The following IL17RA variants were observed in gnomAD, a reference collection of about 807,000 sequenced individuals.
IL17RA encodes interleukin-17 receptor A.
IL17RA carries 34 observed loss-of-function variants against 50.4 expected under a neutral mutation model. The observed-to-expected ratio is 0.67, with a 90% CI of 0.51 to 0.90. IL17RA has a LOEUF of 0.90. Among genes scored for constraint, IL17RA ranks in the 40% least tolerant of loss-of-function variants. The pLI is 0.00. For missense variants in IL17RA, 1,276 were observed against 1,169.8 expected (o/e 1.09, Z -1.32); for synonymous variants, 585 against 510.4 (o/e 1.15, Z -1.97).
At chr22:17,085,307 G>C (rs946462588) in intron 1 of IL17RA, 78 bp downstream of exon 1, 2 of 1,521,184 alleles carry the variant, frequency 1.3e-6, no homozygotes, top group Non-Finnish European at 1.8e-6. Flanking sequence ...CGGACGGTCG[G>C]GACTACGCGC....
At chr22:17,090,360 CAAAT>C (rs1335216259) in intron 1 of IL17RA, among the ~76,000 whole-genome samples, 1 of 152,192 alleles carries the variant, frequency 6.6e-6, no homozygotes, top group Non-Finnish European at 1.5e-5. Flanking sequence ...TTCCACTAAA[CAAAT>C]TAATGTTTTC....
chr22:17,109,378 C>T lies in IL17RA; in HGVS notation c.2159C>T (p.Pro720Leu), dbSNP rs928752107. The T allele has an allele frequency of 1.2e-6, 2 of 1,611,666 alleles. No individual in the cohort carries two copies. The highest frequency in any genetic ancestry group is 8.5e-7 in the Non-Finnish European group (1 of 1,179,766). The change falls in exon 13 of 13, where the codon CCC (proline) becomes CTC (leucine). Residue 720 changes from proline (P) to leucine (L), a missense_variant. By Grantham distance (98) the Pro-to-Leu change is moderately conservative. Transcript: ENST00000319363. ...GGGCGAAATAGCGTCCTCTTCCTCC[C>T]CGTGGACCCCGAGGACTCGCCCCTT... ...GAGRNSVLFL[P>L]VDPEDSPLGS... is the part of the protein sequence containing the mutation.
intron 1 of IL17RA, among the ~76,000 whole-genome samples, chr22:17,090,014 G>A (rs2061342513): frequency 6.6e-6 from 1 of 150,966 alleles, no homozygotes. Context: ...AAAATGTTAT[G>A]TAATTCTATA....
chr22:17,104,850 C>G (rs779171527), intron 9 of IL17RA, 40 bp downstream of exon 9: 2 of 1,596,638 alleles, frequency 1.3e-6, no homozygotes, highest in Non-Finnish European at 8.6e-7. Context: ...ACTGGGAGAA[C>G]AAGTGGCTGA....
intron 9 of IL17RA, 86 bp from the exon 10 acceptor site, chr22:17,105,505 C>A: frequency 7.5e-7 from 1 of 1,332,390 alleles, no homozygotes; most frequent in Non-Finnish European, 1.1e-6. Context: ...TCATTAAAGC[C>A]CTCAAGGGAC....
At chr22:17,097,269 A>G in intron 2 of IL17RA, 183 bp downstream of exon 2, 2 of 669,638 alleles carry the variant, frequency 3.0e-6, no homozygotes, top group Non-Finnish European at 5.5e-6. Flanking sequence ...GAGAACATTC[A>G]TTATGCAAAA....
rs1188655272 is a variant in IL17RA at position 17,103,584 on chromosome 22, G to A, written c.846+7G>A. On this transcript the variant is annotated splice_region_variant and intron_variant, in intron 8 of 12. Coordinates refer to ENST00000319363, the MANE Select transcript of IL17RA (RefSeq NM_014339.7). The stretch of plus-strand genomic sequence containing the variant: ...CTGTCGCCACCAAGTGCAGGTGGGT[G>A]AGTGTGGTGTGGACAGGTGCAGGGA... The A allele has an allele frequency of 6.2e-7, 1 of 1,609,194 alleles. No individual in the cohort carries two copies. The highest frequency in any genetic ancestry group is 8.5e-7 in the Non-Finnish European group (1 of 1,177,730).
rs1479941034 is a variant in IL17RA, at chr22:17,109,557, A to G, written c.2338A>G (p.Thr780Ala). 1 of 1,599,404 alleles carries G rather than the reference A, an allele frequency of 6.3e-7. No individual in the cohort carries two copies. Among genetic ancestry groups the G allele is most frequent in the East Asian group, 2.3e-5 (1 of 44,290 alleles). Reference sequence around the variant, plus strand: ...CGCCATGGTCCTCACAGACCCACACACGCCCTACGAGGAGGAGCAGCGGCA... The same window carrying G: ...CGCCATGGTCCTCACAGACCCACACGCGCCCTACGAGGAGGAGCAGCGGCA... ...RPAMVLTDPH[T>A]PYEEEQRQSV... Residue 780 changes from threonine to alanine, a missense_variant, in exon 13 of 13, where the codon ACG becomes GCG. Coordinates refer to ENST00000319363, the MANE Select transcript of IL17RA (RefSeq NM_014339.7).
In IL17RA at chr22:17,097,919, A is replaced by G; in HGVS notation, c.286A>G (p.Ile96Val). Residue 96 changes from isoleucine to valine, a missense_variant, in exon 3 of 13, where the codon ATC becomes GTC. By Grantham distance (29) the Ile-to-Val change is conservative. Coordinates refer to ENST00000319363, the MANE Select transcript of IL17RA (RefSeq NM_014339.7). ...AGGAGACCTGTTCCCCGTGGCTCAC[A>G]TCGAATGGACACTGCAGACAGACGG... ...QQGDLFPVAH[I>V]EWTLQTDASI... is the part of the protein sequence containing the mutation. 6.2e-7 allele frequency: 1 copy of G among 1,614,100 alleles called. No homozygotes were observed. The highest frequency in any genetic ancestry group is 8.5e-7 in the Non-Finnish European group (1 of 1,180,036).
intron 1 of IL17RA, among the ~76,000 whole-genome samples, chr22:17,087,433 C>T (rs1277310863): frequency 6.6e-6 from 1 of 152,260 alleles, no homozygotes; most frequent in Non-Finnish European, 1.5e-5. Flanking sequence ...CCTTCCATAA[C>T]TATCCTCAGA....
In IL17RA at chr22:17,100,413, T is replaced by C. The variant is rs376923038; in HGVS notation, c.482T>C (p.Val161Ala). The C allele has an allele frequency of 8.2e-5, 132 of 1,613,964 alleles. No homozygotes were observed. Among genetic ancestry groups the C allele is most frequent in the Non-Finnish European group, 1.1e-4 (127 of 1,179,988 alleles). The change falls in exon 5 of 13, where the codon GTT becomes GCT. Residue 161 changes from valine to alanine, a missense_variant. By Grantham distance (64) the Val-to-Ala change is moderately conservative. Transcript: ENST00000319363. Reference protein sequence around the residue: ...VDPDQEYEVTVHHLPKPIPDG... With the variant: ...VDPDQEYEVTAHHLPKPIPDG... ...CCTGACCAGGAATATGAGGTGACCG[T>C]TCACCACCTGCCCAAGCCCATCCCT...
intron 8 of IL17RA, among the ~76,000 whole-genome samples, 167 bp downstream of exon 8, chr22:17,103,744 AGAGTGTGGTGTGTCTGGGAGTGGG>A: frequency 7.8e-6 from 1 of 128,854 alleles, no homozygotes; most frequent in South Asian, 2.5e-4. Flanking sequence ...GCACAGGTGG[AGAGTGTGGTGTGTCTGGGAGTGGG>A]GAGTGTGCAC....
intron 4 of IL17RA, among the ~76,000 whole-genome samples, chr22:17,099,648 C>T (rs1362801054): frequency 6.6e-6 from 1 of 151,920 alleles, no homozygotes; most frequent in Admixed American, 6.6e-5. Flanking sequence ...AAGGCAGAAC[C>T]CCTCTCCGAT....
In IL17RA at chr22:17,109,114, G is replaced by T; in HGVS notation, c.1895G>T (p.Cys632Phe). The change falls in exon 13 of 13, where the codon TGC (cysteine) becomes TTC (phenylalanine). Residue 632 changes from cysteine (C) to phenylalanine (F), a missense_variant. Physicochemically the swap from Cys to Phe is radical, Grantham distance 205. Transcript: ENST00000319363. ...GTGCGCGAGCCTGGCTCCCAGGCCT[G>T]CCTGGCCATAGACCCGCTGGTCGGG... ...PLVREPGSQACLAIDPLVGEE... is the reference protein window; with the variant it reads ...PLVREPGSQAFLAIDPLVGEE... The T allele has an allele frequency of 6.4e-7, 1 of 1,554,430 alleles. No homozygotes were observed. The highest frequency in any genetic ancestry group is 2.3e-5 in the East Asian group (1 of 42,910).
intron 5 of IL17RA, among the ~76,000 whole-genome samples, chr22:17,100,860 G>A (rs1332008390): frequency 1.3e-5 from 2 of 152,186 alleles, no homozygotes; most frequent in Non-Finnish European, 2.9e-5. Context: ...AGCCTCCGTG[G>A]CTTGCTCTTC....
At chr22:17,095,682 A>C (rs1428856150) in intron 1 of IL17RA, among the ~76,000 whole-genome samples, 1 of 150,640 alleles carries the variant, frequency 6.6e-6, no homozygotes, top group Non-Finnish European at 1.5e-5. Flanking sequence ...GCCATTTAGG[A>C]AAGAGTGACA....
At position 17,094,673 on chromosome 22, in the gene IL17RA, C is replaced by CTATATATATATATATGTGTA. The variant is rs1568917416; in HGVS notation, c.139-2388_139-2387insATATATATATATATGTGTAT. Among the ~76,000 whole-genome samples, 283 of 47,840 alleles carry CTATATATATATATATGTGTA rather than the reference C, an allele frequency of 5.9e-3. 21 individuals are homozygous for CTATATATATATATATGTGTA. The highest frequency in any genetic ancestry group is 0.017 in the Middle Eastern group (1 of 58). 31.4% of individuals were successfully genotyped at this position (47,840 alleles called of 152,430 possible). ...ATACACACACTCTCTCTCTCTCTCT[C>CTATATATATATATATGTGTA]TCTCTCTCTCTCTCTCTCTATATAT... On this transcript the variant is annotated intron_variant, in intron 1 of 12. Transcript: ENST00000319363.
Position 17,098,623 on chromosome 22 carries a change from A to G in IL17RA, c.311-152A>G, listed in dbSNP as rs562039416. 4.0e-5 allele frequency: 28 copies of G among 708,802 alleles called. 1 individual carries two copies. Among genetic ancestry groups the G allele is most frequent in the South Asian group, 3.9e-4 (26 of 66,478 alleles). 43.9% of individuals were successfully genotyped at this position (708,802 alleles called of 1,614,324 possible). Reference sequence around the variant, plus strand: ...GCAAGGCGGTAGGCTGAGGCCAGAGAGTGAACTGAAAGGAACAGGATGTGG... The same window carrying G: ...GCAAGGCGGTAGGCTGAGGCCAGAGGGTGAACTGAAAGGAACAGGATGTGG... On this transcript the variant is annotated intron_variant, in intron 3 of 12. Coordinates refer to ENST00000319363, the MANE Select transcript of IL17RA (RefSeq NM_014339.7).
At chr22:17,097,633 A>G in intron 2 of IL17RA, 164 bp from the exon 3 acceptor site, 2 of 711,468 alleles carry the variant, frequency 2.8e-6, no homozygotes, top group East Asian at 5.4e-5. Context: ...TAAACATTAG[A>G]GAAGAGGGAG....
Sources: gnomAD v4.1 joint callset for allele counts (sites outside exome capture counted in the v4.1 genomes callset) on GRCh38, gnomAD v4.1.1 for gene constraint, MANE v1.5 for transcripts, NCBI Gene and HGNC (gene_info 2026-07-23, HGNC 2026-07-21) for gene names.